Variants in FGD6 observed in about 807,000 individuals in gnomAD.
FGD6 encodes the protein FYVE, RhoGEF and PH domain containing 6, also known as FYVE, RhoGEF and PH domain-containing protein 6.
A neutral mutation model predicts 149.4 loss-of-function variants in FGD6; 90 were observed. That is an observed-to-expected ratio of 0.60 (90% CI 0.51 to 0.72). FGD6 has a LOEUF of 0.72. Among genes scored for constraint, FGD6 ranks in the 30% least tolerant of loss-of-function variants. The probability of loss-of-function intolerance (pLI) is 0.00; values close to 1 mark genes in which losing one functional copy is unlikely to be tolerated. For synonymous variants in FGD6, 527 were observed against 584.0 expected, an observed-to-expected ratio of 0.90 and a Z score of 1.41; for missense variants, 1,437 against 1,684.8, an observed-to-expected ratio of 0.85 and a Z score of 2.57.
At chr12:95,121,175 C>A (rs1322861379) in intron 8 of FGD6, among the ~76,000 whole-genome samples, 2 of 151,926 alleles carry the variant, frequency 1.3e-5, no homozygotes, top group African/African-American at 4.8e-5. Context: ...TGCTGTGGCT[C>A]ACCCCTGTAA....
intron 2 of FGD6, among the ~76,000 whole-genome samples, chr12:95,205,187 AACCC>A (rs2056687023): frequency 6.6e-6 from 1 of 152,080 alleles, no homozygotes; most frequent in Admixed American, 6.6e-5. Flanking sequence ...AGGATCACTT[AACCC>A]CAGGAGGTCA....
At chr12:95,166,284 C>T (rs1000685920) in intron 3 of FGD6, among the ~76,000 whole-genome samples, 6 of 152,190 alleles carry the variant, frequency 3.9e-5, no homozygotes, top group African/African-American at 1.4e-4. Flanking sequence ...ATGAATAGGA[C>T]TACATGATAT....
At chr12:95,172,561 T>A (rs201721354) in intron 3 of FGD6, 39 bp downstream of exon 3, 17 of 1,513,778 alleles carry the variant, frequency 1.1e-5, no homozygotes, top group Non-Finnish European at 2.7e-6. Flanking sequence ...TTCCCAAGCA[T>A]AGGGAGAGGT....
chr12:95,100,648 G>C, intron 14 of FGD6: 1 of 535,098 alleles, frequency 1.9e-6, no homozygotes, highest in South Asian at 1.4e-5. Flanking sequence ...GTGCACTATG[G>C]AGCTTGGCAG....
At chr12:95,171,025 G>C (rs1424998410) in intron 3 of FGD6, among the ~76,000 whole-genome samples, 1 of 152,148 alleles carries the variant, frequency 6.6e-6, no homozygotes, top group African/African-American at 2.4e-5. Context: ...AATGATCACT[G>C]AGCTATTATG....
rs115923282 is a variant in FGD6 at position 95,098,373 on chromosome 12, A to G, written c.3498-3679T>C. Among the ~76,000 whole-genome samples the G allele has an allele frequency of 2.8e-3, 429 of 152,242 alleles. 6 individuals carry two copies. The highest frequency in any genetic ancestry group is 9.7e-3 in the African/African-American group (403 of 41,542). ...GCCGGATACTCTTTAAAAAATGCCA[A>G]TCTGATCACATCATTCCCTTGTATA... On this transcript the variant is annotated intron_variant, in intron 14 of 20. Transcript: ENST00000343958.
intron 13 of FGD6, among the ~76,000 whole-genome samples, chr12:95,106,197 A>C (rs554535896): frequency 9.9e-5 from 15 of 151,654 alleles, no homozygotes; most frequent in African/African-American, 3.6e-4. Context: ...CTTGAGCTCA[A>C]GTTATTATCC....
intron 3 of FGD6, among the ~76,000 whole-genome samples, chr12:95,159,211 C>G (rs1023486614): frequency 6.6e-6 from 1 of 152,040 alleles, no homozygotes; most frequent in Non-Finnish European, 1.5e-5. Flanking sequence ...ACTTTTTTTT[C>G]TCTCCTTCTC....
Position 95,117,543 on chromosome 12 carries a change from C to CA in FGD6, c.3083-3843dup, listed in dbSNP as rs1240063866. On this transcript the variant is annotated intron_variant, in intron 8 of 20. Transcript: ENST00000343958. ...AGGCTCAAGTGGCTGTCCCACACCTCAGCCTCCCAAGTAGCTAGGACAACA... is the reference window on the plus strand; with the variant it reads ...AGGCTCAAGTGGCTGTCCCACACCTCAAGCCTCCCAAGTAGCTAGGACAACA... Among the ~76,000 whole-genome samples, 3 of 152,222 alleles carry CA rather than the reference C, an allele frequency of 2.0e-5. No individual in the cohort carries two copies. The East Asian group carries it at 5.8e-4, about 30-fold the overall frequency.
intron 8 of FGD6, among the ~76,000 whole-genome samples, chr12:95,123,903 T>G (rs1453386385): frequency 6.6e-6 from 1 of 150,522 alleles, no homozygotes; most frequent in East Asian, 2.0e-4. Context: ...GAGACTGCTT[T>G]TCTTTCTTCC....
chr12:95,214,326 T>C (rs938827039), intron 1 of FGD6, among the ~76,000 whole-genome samples: 1 of 152,222 alleles, frequency 6.6e-6, no homozygotes, highest in Non-Finnish European at 1.5e-5. Flanking sequence ...TTTGAAAAGT[T>C]AGCAGGAATC....
chr12:95,200,229 C>T (rs190936879), intron 2 of FGD6, among the ~76,000 whole-genome samples: 4 of 152,230 alleles, frequency 2.6e-5, no homozygotes, highest in Admixed American at 6.5e-5. Context: ...ATGAAGTTTT[C>T]GACTGAATCC....
At chr12:95,190,585 G>T (rs10777672) in intron 2 of FGD6, among the ~76,000 whole-genome samples, 133,717 of 152,110 alleles carry the variant, frequency 0.88, 59,123 homozygotes, top group East Asian at 0.97. Context: ...GGAAAAAACT[G>T]TATTTTATTT....
intron 19 of FGD6, 195 bp downstream of exon 19, chr12:95,085,585 C>G (rs1877839778): frequency 1.8e-6 from 1 of 552,970 alleles, no homozygotes; most frequent in African/African-American, 1.9e-5. Flanking sequence ...AAATTCCTAA[C>G]ACATTTGAGA....
intron 2 of FGD6, among the ~76,000 whole-genome samples, chr12:95,186,723 G>A (rs1204074041): frequency 6.6e-6 from 1 of 152,046 alleles, no homozygotes; most frequent in Non-Finnish European, 1.5e-5. Context: ...GGCCCTTTAC[G>A]GAAAACGTTT....
intron 2 of FGD6, among the ~76,000 whole-genome samples, chr12:95,179,495 C>T (rs1424738170): frequency 6.6e-6 from 1 of 151,822 alleles, no homozygotes; most frequent in African/African-American, 2.4e-5. Flanking sequence ...GGACCAAGAC[C>T]TTGTCTCATA....
At chr12:95,216,154 C>A (rs1187162699) in intron 1 of FGD6, among the ~76,000 whole-genome samples, 2 of 152,160 alleles carry the variant, frequency 1.3e-5, no homozygotes, top group African/African-American at 4.8e-5. Context: ...TCACAGGGAG[C>A]AATGCAACAC....
chr12:95,091,556 C>T (rs1191699981), intron 17 of FGD6, 151 bp downstream of exon 17: 1 of 568,678 alleles, frequency 1.8e-6, no homozygotes, highest in African/African-American at 1.9e-5. Flanking sequence ...AGAATTACAA[C>T]AAAATATGAA....
chr12:95,111,670 G>A (rs1006543300), intron 9 of FGD6, among the ~76,000 whole-genome samples: 4 of 151,782 alleles, frequency 2.6e-5, no homozygotes, highest in African/African-American at 9.7e-5. Context: ...TGTCCTGCTC[G>A]GTGCACCCTT....
Sources: allele counts gnomAD v4.1 joint callset (sites outside exome capture counted in the v4.1 genomes callset), GRCh38; gene constraint gnomAD v4.1.1; transcripts MANE v1.5; gene names NCBI Gene and HGNC (gene_info 2026-07-23, HGNC 2026-07-21).